The following STK10 variants were observed in gnomAD, a reference collection of about 807,000 sequenced individuals.
STK10 encodes serine/threonine-protein kinase 10.
A neutral mutation model predicts 113.8 loss-of-function variants in STK10; 78 were observed. That is an observed-to-expected ratio of 0.69 (90% CI 0.57 to 0.83). The LOEUF is 0.83. Ranked by LOEUF, STK10 falls within the 40% of genes least tolerant of loss-of-function variation. The pLI is 0.00. For missense variants in STK10, 1,109 were observed against 1,280.1 expected (o/e 0.87, Z 2.04); for synonymous variants, 465 against 494.7 (o/e 0.94, Z 0.80).
chr5:172,055,287 C>T (rs1013768044), intron 16 of STK10, among the ~76,000 whole-genome samples: 2 of 152,092 alleles, frequency 1.3e-5, no homozygotes, highest in African/African-American at 4.8e-5. Flanking sequence ...GCAACCTCTG[C>T]CTCCCGGGCT....
intron 2 of STK10, among the ~76,000 whole-genome samples, chr5:172,145,994 G>A (rs577366972): frequency 2.6e-4 from 40 of 152,342 alleles, no homozygotes; most frequent in African/African-American, 9.4e-4. Flanking sequence ...ACCTCCCACA[G>A]GACAGTAAAA....
chr5:172,085,521 TC>T (rs1468333612), intron 10 of STK10, among the ~76,000 whole-genome samples: 2 of 151,838 alleles, frequency 1.3e-5, no homozygotes, highest in Non-Finnish European at 2.9e-5. Context: ...AAACCCCATC[TC>T]TACTAAAAAT....
chr5:172,051,846 G>A lies in STK10; in HGVS notation c.2766+1083C>T, dbSNP rs145126103. ...TGTTGGTATTGACCATGCCAGCAGCGGCTGCAGTGGGCTGAGAAAGGAATT... is the reference window on the plus strand; with the variant it reads ...TGTTGGTATTGACCATGCCAGCAGCAGCTGCAGTGGGCTGAGAAAGGAATT... On this transcript the variant is annotated intron_variant, in intron 18 of 18. Coordinates refer to ENST00000176763, the MANE Select transcript of STK10 (RefSeq NM_005990.4). 2.1e-3 allele frequency among the ~76,000 whole-genome samples: 319 copies of A among 152,206 alleles called. 1 individual carries two copies. The highest frequency in any genetic ancestry group is 7.2e-3 in the African/African-American group (301 of 41,536).
chr5:172,166,181 T>A (rs1481441580), intron 1 of STK10, among the ~76,000 whole-genome samples: 1 of 152,118 alleles, frequency 6.6e-6, no homozygotes, highest in African/African-American at 2.4e-5. Flanking sequence ...GGCTGAAGGG[T>A]CTTGTAGCCC....
intron 12 of STK10, among the ~76,000 whole-genome samples, chr5:172,071,200 C>T (rs1308530812): frequency 1.0e-5 from 1 of 100,282 alleles, no homozygotes; most frequent in Non-Finnish European, 1.8e-5. Context: ...CAGAGTGAGA[C>T]GCTCTCTATC....
Position 172,081,676 on chromosome 5 carries a change from C to G in STK10, c.1989+650G>C, listed in dbSNP as rs115786543. On this transcript the variant is annotated intron_variant, in intron 12 of 18. Coordinates refer to ENST00000176763, the MANE Select transcript of STK10 (RefSeq NM_005990.4). ...TCTGGAATCTGGGCTCTGAGGTCCT[C>G]TGAGGACCACCCTCAGAGGCTGCTC... Among the ~76,000 whole-genome samples, 2 of 152,130 alleles carry G rather than the reference C, an allele frequency of 1.3e-5. 1 individual carries two copies. The highest frequency in any genetic ancestry group is 2.9e-5 in the Non-Finnish European group (2 of 68,018).
intron 7 of STK10, among the ~76,000 whole-genome samples, chr5:172,099,791 C>A (rs1191227297): frequency 6.6e-6 from 1 of 152,232 alleles, no homozygotes; most frequent in Non-Finnish European, 1.5e-5. Context: ...GCAGACGCGG[C>A]AGAAATAAAT....
At chr5:172,175,450 C>A (rs1418750748) in intron 1 of STK10, among the ~76,000 whole-genome samples, 1 of 152,052 alleles carries the variant, frequency 6.6e-6, no homozygotes, top group Non-Finnish European at 1.5e-5. Flanking sequence ...CTGACAAGAC[C>A]CAGAGACACC....
intron 13 of STK10, 66 bp downstream of exon 13, chr5:172,064,654 G>A: frequency 6.5e-7 from 1 of 1,538,242 alleles, no homozygotes; most frequent in Non-Finnish European, 9.0e-7. Context: ...GGCAGAGAGG[G>A]GGCCTGGTCA....
intron 10 of STK10, among the ~76,000 whole-genome samples, chr5:172,083,539 T>A (rs764403542): frequency 6.6e-6 from 1 of 152,240 alleles, no homozygotes; most frequent in Non-Finnish European, 1.5e-5. Context: ...AATAAGCTTA[T>A]GTTTTTTGAC....
intron 1 of STK10, among the ~76,000 whole-genome samples, chr5:172,180,938 T>A (rs1340013326): frequency 6.6e-6 from 1 of 152,216 alleles, no homozygotes; most frequent in African/African-American, 2.4e-5. Flanking sequence ...AGGGAGTGAT[T>A]CTGCTATAAT....
At position 172,058,337 on chromosome 5, in the gene STK10, C is replaced by T. The variant is rs1767851427; in HGVS notation, c.2213-864G>A. On this transcript the variant is annotated intron_variant, in intron 14 of 18. Coordinates refer to ENST00000176763, the MANE Select transcript of STK10 (RefSeq NM_005990.4). Reference sequence around the variant, plus strand: ...ATAGGAAAAGGAAGTGAGGGCTTTTCTCAAAACAACTGTGCTCTATTCAGA... The same window carrying T: ...ATAGGAAAAGGAAGTGAGGGCTTTTTTCAAAACAACTGTGCTCTATTCAGA... 2.0e-5 allele frequency among the ~76,000 whole-genome samples: 3 copies of T among 152,222 alleles called. No individual in the cohort carries two copies. In the South Asian group the frequency reaches 6.2e-4, roughly 32 times the overall value.
At chr5:172,092,247 T>C (rs1768729084) in intron 9 of STK10, among the ~76,000 whole-genome samples, 1 of 152,090 alleles carries the variant, frequency 6.6e-6, no homozygotes, top group Non-Finnish European at 1.5e-5. Context: ...CCTCCATCCC[T>C]GAAGGAACAG....
At chr5:172,068,731 G>A (rs1419894167) in intron 12 of STK10, among the ~76,000 whole-genome samples, 4 of 151,872 alleles carry the variant, frequency 2.6e-5, no homozygotes, top group Admixed American at 6.6e-5. Flanking sequence ...TGAGGTGGGC[G>A]GATTGCTTGA....
At chr5:172,101,470 CA>C (rs796588690) in intron 7 of STK10, among the ~76,000 whole-genome samples, 565 of 72,608 alleles carry the variant, frequency 7.8e-3, no homozygotes, top group African/African-American at 0.013. Context: ...ACTCCGTCTC[CA>C]AAAAAAAAAA....
At chr5:172,101,872 A>G (rs578080948) in intron 7 of STK10, among the ~76,000 whole-genome samples, 1 of 151,974 alleles carries the variant, frequency 6.6e-6, no homozygotes, top group Admixed American at 6.6e-5. Context: ...TGAGGCAGGA[A>G]CATGCCGTGT....
intron 2 of STK10, among the ~76,000 whole-genome samples, chr5:172,153,331 A>C (rs964551055): frequency 6.6e-6 from 1 of 151,878 alleles, no homozygotes; most frequent in African/African-American, 2.4e-5. Context: ...AAAGAAATGT[A>C]AAATGATGCA....
intron 5 of STK10, among the ~76,000 whole-genome samples, chr5:172,107,441 C>A (rs1280319929): frequency 6.6e-6 from 1 of 152,206 alleles, no homozygotes; most frequent in Non-Finnish European, 1.5e-5. Context: ...CGGTCCCCAT[C>A]CCCGGCCCTC....
At chr5:172,072,108 A>T (rs1362287148) in intron 12 of STK10, among the ~76,000 whole-genome samples, 1 of 152,252 alleles carries the variant, frequency 6.6e-6, no homozygotes, top group South Asian at 2.1e-4. Flanking sequence ...GCAATATTTT[A>T]AAATCAAGCA....
Sources: gnomAD v4.1 joint callset for allele counts (sites outside exome capture counted in the v4.1 genomes callset) on GRCh38, gnomAD v4.1.1 for gene constraint, MANE v1.5 for transcripts, NCBI Gene and HGNC (gene_info 2026-07-23, HGNC 2026-07-21) for gene names.